The following PDS5B variants were observed in gnomAD, a reference collection of about 807,000 sequenced individuals.
The protein encoded by PDS5B is sister chromatid cohesion protein PDS5 homolog B.
A neutral mutation model predicts 184.1 loss-of-function variants in PDS5B; 51 were observed. The observed-to-expected ratio is 0.28, with a 90% confidence interval of 0.22 to 0.35. The LOEUF (loss-of-function observed/expected upper bound fraction) is 0.35, where lower values mean the gene tolerates loss of function less well. Ranked by LOEUF, PDS5B falls within the 10% of genes least tolerant of loss-of-function variation. The probability of loss-of-function intolerance (pLI) is 1.00; values close to 1 mark genes in which losing one functional copy is unlikely to be tolerated. For missense variants in PDS5B, 1,180 were observed against 1,723.3 expected (o/e 0.68, Z 5.58); for synonymous variants, 566 against 569.2 (o/e 0.99, Z 0.08).
chr13:32,768,610 C>T (rs1019041095), intron 31 of PDS5B, among the ~76,000 whole-genome samples: 6 of 149,970 alleles, frequency 4.0e-5, no homozygotes, highest in Admixed American at 6.6e-5. Flanking sequence ...CTGGCCAACA[C>T]GGCAAAACCC....
intron 1 of PDS5B, among the ~76,000 whole-genome samples, chr13:32,623,881 G>C (rs930046575): frequency 6.6e-6 from 1 of 151,818 alleles, no homozygotes; most frequent in Admixed American, 6.6e-5. Context: ...GCGTGATCTT[G>C]GCTCACTGCA....
chr13:32,737,753 A>G (rs1438808564), intron 21 of PDS5B, among the ~76,000 whole-genome samples: 1 of 152,202 alleles, frequency 6.6e-6, no homozygotes, highest in Non-Finnish European at 1.5e-5. Context: ...GTACAAAGGA[A>G]TATATGTAAC....
rs1379064551 is a variant in PDS5B, at chr13:32,735,129, A to G, written c.2248-43A>G. On this transcript the variant is annotated intron_variant, in intron 20 of 34. Transcript: ENST00000315596. ...TGAAATATGTAAACAGTTTATTTGTATATGTGTAGAGTTGAAATATATTTT... is the reference window on the plus strand; with the variant it reads ...TGAAATATGTAAACAGTTTATTTGTGTATGTGTAGAGTTGAAATATATTTT... The G allele has an allele frequency of 9.8e-6, 12 of 1,223,968 alleles. No homozygotes were observed. In the East Asian group the frequency reaches 2.5e-4, roughly 26 times the overall value. The allele number at this position is 1,223,968 out of a possible 1,614,324, so 75.8% of individuals were successfully genotyped here. A position where few individuals can be genotyped will look rare whatever the true frequency, so the allele number is the denominator to read the frequency against.
intron 31 of PDS5B, among the ~76,000 whole-genome samples, chr13:32,764,825 A>T (rs545012043): frequency 5.3e-5 from 8 of 152,202 alleles, no homozygotes; most frequent in Admixed American, 2.0e-4. Context: ...TTTTGGTATT[A>T]GACTTGCCAG....
intron 19 of PDS5B, among the ~76,000 whole-genome samples, chr13:32,726,098 A>G (rs1457953831): frequency 6.6e-6 from 1 of 151,638 alleles, no homozygotes; most frequent in African/African-American, 2.4e-5. Flanking sequence ...AATTTCAGGA[A>G]GTCCAATCCT....
intron 19 of PDS5B, among the ~76,000 whole-genome samples, chr13:32,728,536 C>CT (rs1409387594): frequency 6.6e-6 from 1 of 152,176 alleles, no homozygotes; most frequent in African/African-American, 2.4e-5. Context: ...CTGCCTTTCC[C>CT]TTTGTAACTC....
chr13:32,717,658 CT>C (rs1952505155), intron 19 of PDS5B, among the ~76,000 whole-genome samples: 1 of 139,426 alleles, frequency 7.2e-6, no homozygotes, highest in Admixed American at 7.2e-5. Context: ...CCAAATCCCC[CT>C]CTGCGAGAAA....
intron 1 of PDS5B, among the ~76,000 whole-genome samples, chr13:32,631,506 C>T (rs1344277284): frequency 6.6e-6 from 1 of 152,152 alleles, no homozygotes; most frequent in Non-Finnish European, 1.5e-5. Flanking sequence ...TGGCTTTCTC[C>T]TACAGTTATA....
chr13:32,726,343 C>T (rs555587216), intron 19 of PDS5B, among the ~76,000 whole-genome samples: 14 of 152,210 alleles, frequency 9.2e-5, no homozygotes, highest in African/African-American at 3.4e-4. Context: ...ATTTATTTAA[C>T]CAGTTCATTA....
intron 1 of PDS5B, among the ~76,000 whole-genome samples, chr13:32,598,506 T>C (rs569461054): frequency 5.7e-4 from 87 of 152,112 alleles, no homozygotes; most frequent in Non-Finnish European, 1.1e-3. Flanking sequence ...AGGGTCTCAC[T>C]GTATTGCTCA....
intron 3 of PDS5B, 96 bp downstream of exon 3, chr13:32,652,103 A>T: frequency 1.2e-6 from 1 of 801,758 alleles, no homozygotes; most frequent in Non-Finnish European, 2.1e-6. Context: ...ATTTCCTTGG[A>T]TTCTTTGACA....
intron 6 of PDS5B, among the ~76,000 whole-genome samples, chr13:32,665,476 C>G (rs1301513811): frequency 6.8e-6 from 1 of 146,572 alleles, no homozygotes; most frequent in Non-Finnish European, 1.5e-5. Context: ...GTAGTCCCAG[C>G]TACTTTGGAG....
At chr13:32,758,683 T>C (rs780121640) in intron 28 of PDS5B, 30 bp downstream of exon 28, 6 of 1,608,358 alleles carry the variant, frequency 3.7e-6, no homozygotes, top group South Asian at 3.3e-5. Context: ...TTTGTGTAAG[T>C]TGAAATAAAA....
intron 2 of PDS5B, among the ~76,000 whole-genome samples, chr13:32,651,450 G>A (rs985157368): frequency 6.6e-6 from 1 of 152,064 alleles, no homozygotes; most frequent in Admixed American, 6.6e-5. Flanking sequence ...TAAAAAAGAT[G>A]GTATTCTTAA....
At position 32,754,364 on chromosome 13, in the gene PDS5B, A is replaced by G. The variant is rs117921744; in HGVS notation, c.2941+828A>G. Among the ~76,000 whole-genome samples the G allele has an allele frequency of 5.8e-3, 876 of 152,224 alleles. 3 individuals carry two copies. Among genetic ancestry groups the G allele is most frequent in the Middle Eastern group, 0.024 (7 of 294 alleles). ...TAGTTTGCTCTCAGCCTGAGTTTCA[A>G]GCTTTCTTTCTGCTCCCTATTATGA... On this transcript the variant is annotated intron_variant, in intron 25 of 34. Transcript: ENST00000315596.
rs1249105666 is a variant in PDS5B, at chr13:32,765,193, A to G, written c.3624+599A>G. On this transcript the variant is annotated intron_variant, in intron 31 of 34. Transcript: ENST00000315596. ...TATGTCTTCTAACACAACTCAATGGACTTAACTGGGTTTGTTTTGACTTTA... is the reference window on the plus strand; with the variant it reads ...TATGTCTTCTAACACAACTCAATGGGCTTAACTGGGTTTGTTTTGACTTTA... Among the ~76,000 whole-genome samples, 4 of 152,332 alleles carry G rather than the reference A, an allele frequency of 2.6e-5. No individual in the cohort carries two copies. The East Asian group carries it at 7.7e-4, about 29-fold the overall frequency.
chr13:32,610,214 C>T (rs149125082), intron 1 of PDS5B, among the ~76,000 whole-genome samples: 37 of 152,132 alleles, frequency 2.4e-4, no homozygotes, highest in African/African-American at 8.0e-4. Context: ...AATGTAGGTA[C>T]GTATAGGTAA....
Position 32,648,718 on chromosome 13 carries a change from T to G in PDS5B, c.-19-36T>G, listed in dbSNP as rs186775683. On this transcript the variant is annotated intron_variant, in intron 1 of 34. Coordinates refer to ENST00000315596, the MANE Select transcript of PDS5B (RefSeq NM_015032.4). ...TGTTTGTTAAGAATGTTTATATCTA[T>G]TTTTTGGTTTGCATCTAATAGTTTT... is the stretch of plus-strand genomic sequence containing the variant. The G allele has an allele frequency of 1.0e-3, 822 of 814,604 alleles. 1 individual carries two copies. The highest frequency in any genetic ancestry group is 1.5e-3 in the Non-Finnish European group (715 of 469,410). 50.5% of individuals were successfully genotyped at this position (814,604 alleles called of 1,614,324 possible). A position where few individuals can be genotyped will look rare whatever the true frequency, so the allele number is the denominator to read the frequency against.
At chr13:32,748,084 T>C (rs1367731843) in intron 24 of PDS5B, among the ~76,000 whole-genome samples, 1 of 152,252 alleles carries the variant, frequency 6.6e-6, no homozygotes, top group Non-Finnish European at 1.5e-5. Flanking sequence ...GGAACATGTG[T>C]CAGTGGTTAA....
Sources: gnomAD v4.1 joint callset for allele counts (sites outside exome capture counted in the v4.1 genomes callset) on GRCh38, gnomAD v4.1.1 for gene constraint, MANE v1.5 for transcripts, NCBI Gene and HGNC (gene_info 2026-07-23, HGNC 2026-07-21) for gene names.